Variants in HHLA1 observed in about 807,000 individuals in gnomAD.
HHLA1 encodes the protein HERV-H LTR-associating protein 1.
In HHLA1, 72 loss-of-function variants were observed where a neutral mutation model predicts 69.9. The ratio of observed to expected loss-of-function variants is 1.03; its 90% CI spans 0.85 to 1.25. The LOEUF (loss-of-function observed/expected upper bound fraction) is 1.25, where lower values mean the gene tolerates loss of function less well. Ranked by LOEUF, HHLA1 falls within the 50% of genes most tolerant of loss-of-function variation. The pLI is 0.00. For missense variants in HHLA1, 685 were observed against 642.2 expected (o/e 1.07, Z -0.72); for synonymous variants, 252 against 233.2 (o/e 1.08, Z -0.73).
At position 132,078,471 on chromosome 8, in the gene HHLA1, G is replaced by A. The variant is rs116319162; in HGVS notation, c.926-500C>T. Among the ~76,000 whole-genome samples, 1,059 of 152,214 alleles carry A rather than the reference G, an allele frequency of 7.0e-3. 13 individuals carry two copies. The highest frequency in any genetic ancestry group is 0.024 in the African/African-American group (1,010 of 41,514). ...TAACACCTGCCCTCCAACATCACAGGATTGTTATTAGTTAAGAAAAATCCT... is the reference window on the plus strand; with the variant it reads ...TAACACCTGCCCTCCAACATCACAGAATTGTTATTAGTTAAGAAAAATCCT... On this transcript the variant is annotated intron_variant, in intron 11 of 16. Coordinates refer to ENST00000414222, the MANE Select transcript of HHLA1 (RefSeq NM_001145095.3).
chr8:132,110,385 A>T (rs531826362), intron 1 of HHLA1, among the ~76,000 whole-genome samples: 1 of 152,322 alleles, frequency 6.6e-6, no homozygotes, highest in African/African-American at 2.4e-5. Context: ...CTGGACTTCA[A>T]ACTTAGGTAG....
At position 132,064,416 on chromosome 8, in the gene HHLA1, C is replaced by T. The variant is rs556345830; in HGVS notation, c.1553-378G>A. Among the ~76,000 whole-genome samples the T allele has an allele frequency of 2.9e-4, 44 of 152,220 alleles. No individual in the cohort carries two copies. In the South Asian group the frequency reaches 8.1e-3, roughly 28 times the overall value. Reference sequence around the variant, plus strand: ...CATAGAGATTTTAATGTGGCAAGGACGAAAGAACTATTGAATTATGTGTTT... The same window carrying T: ...CATAGAGATTTTAATGTGGCAAGGATGAAAGAACTATTGAATTATGTGTTT... On this transcript the variant is annotated intron_variant, in intron 16 of 16. Transcript: ENST00000414222.
intron 11 of HHLA1, 53 bp downstream of exon 11, chr8:132,079,665 G>A: frequency 1.3e-6 from 2 of 1,483,898 alleles, no homozygotes; most frequent in Non-Finnish European, 1.8e-6. Flanking sequence ...GAGCCTAGAG[G>A]TAACAGGAGC....
chr8:132,080,125 C>T (rs1160506090), intron 10 of HHLA1, 159 bp from the exon 11 acceptor site: 1 of 1,019,422 alleles, frequency 9.8e-7, no homozygotes, highest in African/African-American at 1.6e-5. Context: ...CAGATTCTGA[C>T]CCCTGTCAGA....
At chr8:132,082,220 G>T (rs1823764213) in intron 10 of HHLA1, among the ~76,000 whole-genome samples, 1 of 152,314 alleles carries the variant, frequency 6.6e-6, no homozygotes, top group South Asian at 2.1e-4. Flanking sequence ...CTATGAGGAA[G>T]AAAATAGATT....
intron 1 of HHLA1, among the ~76,000 whole-genome samples, chr8:132,105,648 C>T (rs1824191887): frequency 1.3e-5 from 2 of 152,198 alleles, no homozygotes; most frequent in Non-Finnish European, 2.9e-5. Flanking sequence ...TGGGATTATG[C>T]ACCAACTCTT....
intron 7 of HHLA1, among the ~76,000 whole-genome samples, chr8:132,091,707 C>T (rs539244417): frequency 6.6e-6 from 1 of 152,164 alleles, no homozygotes; most frequent in Non-Finnish European, 1.5e-5. Context: ...TTTACCTATC[C>T]ATTTGGTAAT....
chr8:132,098,346 T>C (rs1355014047), intron 5 of HHLA1, among the ~76,000 whole-genome samples: 1 of 152,240 alleles, frequency 6.6e-6, no homozygotes, highest in Non-Finnish European at 1.5e-5. Context: ...TGTTAGTTTA[T>C]GGCAACAGAG....
At chr8:132,065,671 G>A (rs1823424509) in intron 16 of HHLA1, among the ~76,000 whole-genome samples, 1 of 152,214 alleles carries the variant, frequency 6.6e-6, no homozygotes, top group East Asian at 1.9e-4. Context: ...TGGTCAGGCT[G>A]ACTCCTGCTG....
At chr8:132,072,798 C>T (rs1823569950) in intron 14 of HHLA1, among the ~76,000 whole-genome samples, 1 of 152,006 alleles carries the variant, frequency 6.6e-6, no homozygotes, top group South Asian at 2.1e-4. Context: ...TAGATGTTAA[C>T]CGATAGCAAT....
At chr8:132,098,364 T>C (rs1189218274) in intron 5 of HHLA1, among the ~76,000 whole-genome samples, 1 of 152,252 alleles carries the variant, frequency 6.6e-6, no homozygotes, top group Non-Finnish European at 1.5e-5. Context: ...GAGTTACAAT[T>C]ACAAACATAC....
At chr8:132,068,018 G>A (rs1823469940) in intron 15 of HHLA1, among the ~76,000 whole-genome samples, 1 of 152,224 alleles carries the variant, frequency 6.6e-6, no homozygotes, top group South Asian at 2.1e-4. Context: ...CTTAGCCAGT[G>A]TAACAATCTG....
chr8:132,103,741 A>C (rs1417272893), intron 3 of HHLA1, among the ~76,000 whole-genome samples: 2 of 152,074 alleles, frequency 1.3e-5, no homozygotes, highest in Non-Finnish European at 2.9e-5. Context: ...CTGTTCCCAG[A>C]CTCCTCTTGT....
chr8:132,077,158 A>G (rs1044045350), intron 12 of HHLA1, among the ~76,000 whole-genome samples: 2 of 152,126 alleles, frequency 1.3e-5, no homozygotes, highest in Non-Finnish European at 2.9e-5. Context: ...GGAAGGAAAG[A>G]GGTGAGGCTG....
chr8:132,086,068 G>C (rs939220458), intron 10 of HHLA1, among the ~76,000 whole-genome samples: 1 of 152,110 alleles, frequency 6.6e-6, no homozygotes, highest in Non-Finnish European at 1.5e-5. Context: ...TGAAAAACAG[G>C]CTCCCATAGA....
At position 132,070,019 on chromosome 8, in the gene HHLA1, GGGGGGA is replaced by G. The variant is rs1436344952; in HGVS notation, c.1469+1315_1469+1320del. 284 of 48,458 alleles carry G rather than the reference GGGGGGA, an allele frequency of 5.9e-3. 41 individuals carry two copies. The highest frequency in any genetic ancestry group is 0.021 in the African/African-American group (265 of 12,604). 3.0% of individuals were successfully genotyped at this position (48,458 alleles called of 1,614,324 possible). ...GGAAATGTTCGTACTGACGGGGGGG[GGGGGGA>G]GGGGGATGAAAGATTACAGCTGGAA... is the stretch of plus-strand genomic sequence containing the variant. On this transcript the variant is annotated intron_variant, in intron 15 of 16. Coordinates refer to ENST00000414222, the MANE Select transcript of HHLA1 (RefSeq NM_001145095.3).
chr8:132,084,351 T>A (rs1214525803), intron 10 of HHLA1, among the ~76,000 whole-genome samples: 2 of 151,972 alleles, frequency 1.3e-5, no homozygotes, highest in Admixed American at 6.6e-5. Context: ...TTAGAAAGAC[T>A]CAGCGACGCT....
chr8:132,107,189 A>T (rs1359434904), intron 1 of HHLA1, among the ~76,000 whole-genome samples: 4 of 152,292 alleles, frequency 2.6e-5, no homozygotes, highest in Admixed American at 1.3e-4. Flanking sequence ...GTAGAAAAAC[A>T]ATTATTTACA....
chr8:132,080,064 T>G, intron 10 of HHLA1, 98 bp from the exon 11 acceptor site: 1 of 1,412,206 alleles, frequency 7.1e-7, no homozygotes, highest in East Asian at 2.5e-5. Flanking sequence ...AATGTGGAGA[T>G]TCAAACCTTT....
Sources: allele counts gnomAD v4.1 joint callset (sites outside exome capture counted in the v4.1 genomes callset), GRCh38; gene constraint gnomAD v4.1.1; transcripts MANE v1.5; gene names NCBI Gene and HGNC (gene_info 2026-07-23, HGNC 2026-07-21).